Variants in PDE1C observed in about 807,000 individuals in gnomAD.
PDE1C encodes the protein dual specificity calcium/calmodulin-dependent 3',5'-cyclic nucleotide phosphodiesterase 1C.
In PDE1C, 62 loss-of-function variants were observed where a neutral mutation model predicts 93.1. That is an observed-to-expected ratio of 0.67 (90% CI 0.54 to 0.82). The LOEUF is 0.82. Among genes scored for constraint, PDE1C ranks in the 40% least tolerant of loss-of-function variants. The probability of loss-of-function intolerance (pLI) is 0.00; values close to 1 mark genes in which losing one functional copy is unlikely to be tolerated. For missense variants in PDE1C, 742 were observed against 884.6 expected (o/e 0.84, Z 2.04); for synonymous variants, 325 against 310.1 (o/e 1.05, Z -0.50).
chr7:31,717,481 G>A, the PDE1C span, among the ~76,000 whole-genome samples: 2 of 152,114 alleles, frequency 1.3e-5, no homozygotes, highest in African/African-American at 4.8e-5. Context: ...GGGGCAGAAG[G>A]GAAGGTAGGG....
intron 2 of PDE1C, among the ~76,000 whole-genome samples, chr7:31,972,954 A>G (rs2129050591): frequency 6.6e-6 from 1 of 152,308 alleles, no homozygotes; most frequent in African/African-American, 2.4e-5. Flanking sequence ...TAGCACAAGC[A>G]GGAACTGAGT....
At chr7:31,799,506 A>C (rs1785723901) in intron 16 of PDE1C, among the ~76,000 whole-genome samples, 1 of 151,714 alleles carries the variant, frequency 6.6e-6, no homozygotes, top group Admixed American at 6.6e-5. Flanking sequence ...TCCATTCCAA[A>C]TTCATTTATG....
the PDE1C span, among the ~76,000 whole-genome samples, chr7:31,692,960 C>T: frequency 6.6e-6 from 1 of 152,134 alleles, no homozygotes; most frequent in Non-Finnish European, 1.5e-5. Flanking sequence ...CCTTTTTCTG[C>T]TTTATTGTCA....
At chr7:31,863,673 G>A (rs1258002932) in intron 7 of PDE1C, among the ~76,000 whole-genome samples, 1 of 152,132 alleles carries the variant, frequency 6.6e-6, no homozygotes, top group Admixed American at 6.5e-5. Context: ...CAAAAATTCT[G>A]CAACGTTTTA....
chr7:32,417,986 T>C (rs1562715325), intron 1 of PDE1C, among the ~76,000 whole-genome samples: 1 of 152,168 alleles, frequency 6.6e-6, no homozygotes, highest in Non-Finnish European at 1.5e-5. Flanking sequence ...TTGTTTGTTT[T>C]TGTTTTGTTT....
rs150315019 is a variant in PDE1C at position 32,363,308 on chromosome 7, T to G, written c.310+64514A>C. Among the ~76,000 whole-genome samples, 573 of 152,340 alleles carry G rather than the reference T, an allele frequency of 3.8e-3. 6 individuals carry two copies. The highest frequency in any genetic ancestry group is 0.013 in the African/African-American group (529 of 41,568). On this transcript the variant is annotated intron_variant, in intron 1 of 1. Transcript: ENST00000672256. ...TTCATTATTAGCCCCATTTTCCAAA[T>G]GAGGAAACAGTCTCAAAGAAGCTAA... is the stretch of plus-strand genomic sequence containing the variant.
chr7:32,374,186 G>GAAAGAAAGAAGAAAA (rs1396443561), intron 1 of PDE1C, among the ~76,000 whole-genome samples: 22 of 136,782 alleles, frequency 1.6e-4, no homozygotes, highest in African/African-American at 5.1e-4. Flanking sequence ...AAGAAAGAAA[G>GAAAGAAAGAAGAAAA]AAAGAAAGAG....
intron 17 of PDE1C, among the ~76,000 whole-genome samples, chr7:31,765,205 G>A (rs1232086014): frequency 6.6e-6 from 1 of 152,038 alleles, no homozygotes; most frequent in South Asian, 2.1e-4. Context: ...TGGAAAAATC[G>A]GCTCTTTTTC....
the PDE1C span, chr7:31,658,514 G>A: frequency 1.2e-6 from 1 of 853,706 alleles, no homozygotes; most frequent in Non-Finnish European, 1.6e-6. Flanking sequence ...AAAAGTTTTA[G>A]AGTGTTTTCA....
chr7:31,958,072 A>G (rs1250297812), intron 2 of PDE1C, among the ~76,000 whole-genome samples: 1 of 152,236 alleles, frequency 6.6e-6, no homozygotes, highest in African/African-American at 2.4e-5. Flanking sequence ...CTGGCTTAAA[A>G]ATTATTTTAC....
intron 2 of PDE1C, among the ~76,000 whole-genome samples, chr7:32,187,387 C>T (rs928432470): frequency 6.6e-6 from 1 of 152,112 alleles, no homozygotes; most frequent in African/African-American, 2.4e-5. Flanking sequence ...TCCACTTACT[C>T]CTATGTGTCT....
intron 1 of PDE1C, among the ~76,000 whole-genome samples, chr7:32,338,741 C>T (rs912291844): frequency 6.6e-6 from 1 of 152,188 alleles, no homozygotes; most frequent in African/African-American, 2.4e-5. Context: ...CGGTGGCTCA[C>T]GCCTGTAATC....
chr7:31,731,062 G>A, the PDE1C span, among the ~76,000 whole-genome samples: 46 of 152,028 alleles, frequency 3.0e-4, no homozygotes, highest in Non-Finnish European at 4.6e-4. Context: ...TACGTGCAGG[G>A]GGAAGTGACC....
intron 2 of PDE1C, among the ~76,000 whole-genome samples, chr7:31,903,461 T>C (rs1800230644): frequency 6.6e-6 from 1 of 151,996 alleles, no homozygotes; most frequent in African/African-American, 2.4e-5. Flanking sequence ...GATATTCAAC[T>C]GGTGAAAAAT....
At chr7:32,367,215 C>T (rs1280095603) in intron 1 of PDE1C, among the ~76,000 whole-genome samples, 3 of 151,988 alleles carry the variant, frequency 2.0e-5, no homozygotes, top group Non-Finnish European at 4.4e-5. Context: ...ATTGTAGGAC[C>T]ATCATGAAAG....
intron 2 of PDE1C, among the ~76,000 whole-genome samples, chr7:32,195,320 A>G (rs1369288660): frequency 6.6e-6 from 1 of 152,222 alleles, no homozygotes; most frequent in Non-Finnish European, 1.5e-5. Context: ...CCTGCTGGCA[A>G]CAAATTCTTA....
chr7:31,966,642 T>A (rs1306109484), intron 2 of PDE1C, among the ~76,000 whole-genome samples: 4 of 152,158 alleles, frequency 2.6e-5, no homozygotes, highest in Admixed American at 2.6e-4. Context: ...CTACCCTAAA[T>A]CAACAGAGTA....
At chr7:32,309,600 T>G (rs1428710788) in intron 1 of PDE1C, among the ~76,000 whole-genome samples, 1 of 152,238 alleles carries the variant, frequency 6.6e-6, no homozygotes, top group Non-Finnish European at 1.5e-5. Flanking sequence ...ATATTCAACA[T>G]TCTTATAGAA....
intron 17 of PDE1C, among the ~76,000 whole-genome samples, chr7:31,758,510 C>T (rs1370480706): frequency 6.6e-6 from 1 of 152,058 alleles, no homozygotes; most frequent in Non-Finnish European, 1.5e-5. Flanking sequence ...TAATAAGATC[C>T]TTCGAAACTT....
Sources: allele counts gnomAD v4.1 joint callset (sites outside exome capture counted in the v4.1 genomes callset), GRCh38; gene constraint gnomAD v4.1.1; transcripts MANE v1.5; gene names NCBI Gene and HGNC (gene_info 2026-07-23, HGNC 2026-07-21).